The following CDH6 variants were observed in gnomAD, a reference collection of about 807,000 sequenced individuals.
CDH6 encodes cadherin 6.
A neutral mutation model predicts 78.0 loss-of-function variants in CDH6; 31 were observed. That is an observed-to-expected ratio of 0.40 (90% CI 0.30 to 0.54). The LOEUF is 0.54. Ranked by LOEUF, CDH6 falls within the 20% of genes least tolerant of loss-of-function variation. The probability of loss-of-function intolerance (pLI) is 0.56; values close to 1 mark genes in which losing one functional copy is unlikely to be tolerated. For synonymous variants in CDH6, 376 were observed against 368.8 expected, an observed-to-expected ratio of 1.02 and a Z score of -0.23; for missense variants, 724 against 975.9, an observed-to-expected ratio of 0.74 and a Z score of 3.44.
chr5:31,199,685 G>GTATATATATATATATATATA (rs1554035032), intron 1 of CDH6, among the ~76,000 whole-genome samples: 1 of 79,848 alleles, frequency 1.3e-5, no homozygotes, highest in Non-Finnish European at 2.4e-5. Context: ...GTGTGTGTGT[G>GTATATATATATATATATATA]TATATATATA....
At position 31,326,681 on chromosome 5, in the gene CDH6, A is replaced by AT. The variant is rs202082546; in HGVS notation, c.*3401dup. On this transcript the variant is annotated 3_prime_UTR_variant, in exon 12 of 12. Transcript: ENST00000265071. ...AAAGAGTTGTGCAGAAAATCTTAAAATTTTTTTTTTTTTTTTTTTTTTTTT... is the reference window on the plus strand; with the variant it reads ...AAAGAGTTGTGCAGAAAATCTTAAAATTTTTTTTTTTTTTTTTTTTTTTTTT... The AT allele has an allele frequency of 0.032, 3,946 of 122,974 alleles. 307 individuals are homozygous for AT. The highest frequency in any genetic ancestry group is 0.039 in the Non-Finnish European group (2,391 of 61,236). The allele number at this position is 122,974 out of a possible 1,614,324, so 7.6% of individuals were successfully genotyped here.
At position 31,299,514 on chromosome 5, in the gene CDH6, T is replaced by C. The variant is rs748520639; in HGVS notation, c.694T>C (p.Tyr232His). 5 of 1,613,936 alleles carry C rather than the reference T, an allele frequency of 3.1e-6. No homozygotes were observed. The highest frequency in any genetic ancestry group is 4.2e-6 in the Non-Finnish European group (5 of 1,179,864). ...LNMDRENREQYQVVIQAKDMG... is the reference protein window; with the variant it reads ...LNMDRENREQHQVVIQAKDMG... Reference sequence around the variant, plus strand: ...CATGGATCGAGAAAACAGGGAGCAGTACCAAGTGGTGATTCAAGCCAAGGA... The same window carrying C: ...CATGGATCGAGAAAACAGGGAGCAGCACCAAGTGGTGATTCAAGCCAAGGA... The change falls in exon 5 of 12, where the codon TAC becomes CAC. Residue 232 changes from tyrosine to histidine, a missense_variant. Transcript: ENST00000265071.
In CDH6 at chr5:31,193,706, A is replaced by G. The variant is rs1449792895; in HGVS notation, c.-309A>G. The G allele has an allele frequency of 6.6e-6, 1 of 152,034 alleles. No individual in the cohort carries two copies. Among genetic ancestry groups the G allele is most frequent in the Non-Finnish European group, 1.5e-5 (1 of 68,112 alleles). The allele number at this position is 152,034 out of a possible 1,614,324, so 9.4% of individuals were successfully genotyped here. On this transcript the variant is annotated 5_prime_UTR_variant, in exon 1 of 12. Coordinates refer to ENST00000265071, the MANE Select transcript of CDH6 (RefSeq NM_004932.4). Reference sequence around the variant, plus strand: ...TCCCTCCCACTTCATTCACTTGCAAATCAGTGTGTGCCCACAAGAGCCAGC... The same window carrying G: ...TCCCTCCCACTTCATTCACTTGCAAGTCAGTGTGTGCCCACAAGAGCCAGC...
At chr5:31,196,614 AGAGTAT>A (rs1740175381) in intron 1 of CDH6, among the ~76,000 whole-genome samples, 1 of 152,186 alleles carries the variant, frequency 6.6e-6, no homozygotes, top group South Asian at 2.1e-4. Flanking sequence ...ACCTAAGATA[AGAGTAT>A]AACAACTTTT....
chr5:31,196,092 TG>T (rs1227414770), intron 1 of CDH6, among the ~76,000 whole-genome samples: 2 of 152,254 alleles, frequency 1.3e-5, no homozygotes, highest in Non-Finnish European at 2.9e-5. Flanking sequence ...AGATAATATA[TG>T]GAAACATAAT....
Position 31,305,289 on chromosome 5 carries a change from T to G in CDH6, c.1115T>G (p.Ile372Ser). The G allele has an allele frequency of 6.2e-7, 1 of 1,614,178 alleles. No individual in the cohort carries two copies. Among genetic ancestry groups the G allele is most frequent in the Non-Finnish European group, 8.5e-7 (1 of 1,180,026 alleles). Residue 372 changes from isoleucine (I) to serine (S), a missense_variant, in exon 7 of 12, where the codon ATT (isoleucine) becomes AGT (serine). Around this residue, in one of 3 missense-constraint regions of CDH6, gnomAD observed 446 missense variants for 684.5 expected, o/e 0.65. Coordinates refer to ENST00000265071, the MANE Select transcript of CDH6 (RefSeq NM_004932.4). ...GPFKDSATVRIVVEDVDEPPV... is the reference protein window; with the variant it reads ...GPFKDSATVRSVVEDVDEPPV... Reference sequence around the variant, plus strand: ...TTCAAAGATTCAGCCACGGTTAGAATTGTGGTGGAGGATGTAGATGAGCCA... The same window carrying G: ...TTCAAAGATTCAGCCACGGTTAGAAGTGTGGTGGAGGATGTAGATGAGCCA...
chr5:31,223,648 T>G (rs988723231), intron 1 of CDH6, among the ~76,000 whole-genome samples: 3 of 152,230 alleles, frequency 2.0e-5, no homozygotes, highest in Non-Finnish European at 2.9e-5. Flanking sequence ...TACATTTTGG[T>G]TCCGGTGGTG....
intron 1 of CDH6, among the ~76,000 whole-genome samples, chr5:31,265,859 C>A (rs1279556597): frequency 7.1e-6 from 1 of 141,568 alleles, no homozygotes; most frequent in Non-Finnish European, 1.5e-5. Context: ...ACTGCAAGCT[C>A]CGTCTCCTGG....
intron 8 of CDH6, 109 bp from the exon 9 acceptor site, chr5:31,316,099 T>G: frequency 1.7e-6 from 2 of 1,192,484 alleles, no homozygotes; most frequent in Non-Finnish European, 2.3e-6. Context: ...GTACAGCAGC[T>G]TGGGGAATCT....
At position 31,324,759 on chromosome 5, in the gene CDH6, AC is replaced by A. The variant is rs1252113712; in HGVS notation, c.*1454del. The A allele has an allele frequency of 4.8e-6, 1 of 207,168 alleles. No homozygotes were observed. The highest frequency in any genetic ancestry group is 9.8e-6 in the Non-Finnish European group (1 of 101,648). 12.8% of individuals were successfully genotyped at this position (207,168 alleles called of 1,614,324 possible). ...TAGCCTCATAGTTATTATCCAGAGGACCCAACTGAACTGAACTAATCCTTCT... is the reference window on the plus strand; with the variant it reads ...TAGCCTCATAGTTATTATCCAGAGGACCAACTGAACTGAACTAATCCTTCT... On this transcript the variant is annotated 3_prime_UTR_variant, in exon 12 of 12. Coordinates refer to ENST00000265071, the MANE Select transcript of CDH6 (RefSeq NM_004932.4).
At chr5:31,196,932 A>G (rs1740183646) in intron 1 of CDH6, among the ~76,000 whole-genome samples, 1 of 152,166 alleles carries the variant, frequency 6.6e-6, no homozygotes, top group South Asian at 2.1e-4. Flanking sequence ...GAACTCCAAA[A>G]GTTCTACATG....
intron 7 of CDH6, among the ~76,000 whole-genome samples, chr5:31,308,326 A>G (rs2149955250): frequency 6.6e-6 from 1 of 152,228 alleles, no homozygotes. Context: ...CAAATTATGA[A>G]AAATTTATGC....
intron 1 of CDH6, among the ~76,000 whole-genome samples, chr5:31,202,551 G>A (rs866283766): frequency 1.3e-5 from 2 of 151,880 alleles, no homozygotes; most frequent in African/African-American, 4.8e-5. Context: ...AGGGAGAATC[G>A]CTGGAACCCA....
In CDH6 at chr5:31,313,380, C is replaced by A; in HGVS notation, c.1316C>A (p.Ser439Ter). The A allele has an allele frequency of 6.2e-7, 1 of 1,613,684 alleles. No individual in the cohort carries two copies. The highest frequency in any genetic ancestry group is 8.5e-7 in the Non-Finnish European group (1 of 1,179,654). ...TTCAACATTGATTCTGGAAATGGTT[C>A]GATTTTTACATCGAAACTTCTTGAC... ...RIFNIDSGNG[S>*]IFTSKLLDRE... The change falls in exon 8 of 12, where the codon TCG becomes TAG. Residue 439 changes from serine (S) to a stop codon, truncating the protein, a stop_gained. Coordinates refer to ENST00000265071, the MANE Select transcript of CDH6 (RefSeq NM_004932.4). LOFTEE classifies it high-confidence loss of function.
chr5:31,306,937 A>C (rs147103700), intron 7 of CDH6, among the ~76,000 whole-genome samples: 32 of 152,314 alleles, frequency 2.1e-4, no homozygotes, highest in Admixed American at 4.6e-4. Context: ...ATGAAATTAA[A>C]GGGCGAACCA....
At chr5:31,254,150 T>C (rs1410557606) in intron 1 of CDH6, among the ~76,000 whole-genome samples, 1 of 152,226 alleles carries the variant, frequency 6.6e-6, no homozygotes, top group Non-Finnish European at 1.5e-5. Context: ...ACCCACCTGT[T>C]AGTCACTTAG....
intron 1 of CDH6, chr5:31,250,694 AG>A (rs1347157841): frequency 2.0e-5 from 3 of 152,668 alleles, no homozygotes; most frequent in African/African-American, 7.2e-5. Context: ...TGGTGGCACA[AG>A]GGGCCCCAAG....
chr5:31,316,091 A>G lies in CDH6; in HGVS notation c.1391-117A>G. On this transcript the variant is annotated intron_variant, in intron 8 of 11. Transcript: ENST00000265071. ...ACACTGGTACTTAATGCCCAGTAGT[A>G]CAGCAGCTTGGGGAATCTGTGCATG... 3 of 1,113,010 alleles carry G rather than the reference A, an allele frequency of 2.7e-6. No homozygotes were observed. The South Asian group carries it at 5.2e-5, about 19-fold the overall frequency. The allele number at this position is 1,113,010 out of a possible 1,614,324, so 68.9% of individuals were successfully genotyped here. A position where few individuals can be genotyped will look rare whatever the true frequency, so the allele number is the denominator to read the frequency against.
Position 31,323,453 on chromosome 5 carries a change from A to T in CDH6, c.*145A>T. ...GCAGTCCGTGTGGATCCAATGTTAGAGACTTTTTTCTAGTACACTTTTATG... is the reference window on the plus strand; with the variant it reads ...GCAGTCCGTGTGGATCCAATGTTAGTGACTTTTTTCTAGTACACTTTTATG... On this transcript the variant is annotated 3_prime_UTR_variant, in exon 12 of 12. Transcript: ENST00000265071. The T allele has an allele frequency of 1.0e-6, 1 of 957,282 alleles. No homozygotes were observed. The highest frequency in any genetic ancestry group is 2.6e-5 in the East Asian group (1 of 39,044). The allele number at this position is 957,282 out of a possible 1,614,324, so 59.3% of individuals were successfully genotyped here.
Sources: gnomAD v4.1 joint callset for allele counts (sites outside exome capture counted in the v4.1 genomes callset) on GRCh38, gnomAD v4.1.1 for gene constraint, gnomAD v4.1.1 regional missense constraint, MANE v1.5 for transcripts, NCBI Gene and HGNC (gene_info 2026-07-23, HGNC 2026-07-21) for gene names.